HPD: variants seen among roughly 807,000 people sequenced by gnomAD.
HPD encodes the protein 4-hydroxyphenylpyruvate dioxygenase, also known as 4-hydroxyphenylpyruvic acid oxidase.
A neutral mutation model predicts 56.9 loss-of-function variants in HPD; 35 were observed. The observed-to-expected ratio is 0.62, with a 90% CI of 0.47 to 0.82. HPD has a LOEUF of 0.82. Ranked by LOEUF, HPD falls within the 40% of genes least tolerant of loss-of-function variation. The probability of loss-of-function intolerance (pLI) is 0.00; values close to 1 mark genes in which losing one functional copy is unlikely to be tolerated. For missense variants in HPD, 442 were observed against 506.8 expected (o/e 0.87, Z 1.23); for synonymous variants, 186 against 200.2 (o/e 0.93, Z 0.60).
intron 3 of HPD, 36 bp downstream of exon 3, chr12:121,857,721 C>T (rs765524626): frequency 1.5e-5 from 23 of 1,581,156 alleles, no homozygotes; most frequent in East Asian, 4.5e-5. Flanking sequence ...TCTGCCCTGC[C>T]GTCTGCTCAC....
the HPD span, among the ~76,000 whole-genome samples, chr12:121,873,711 G>A: frequency 3.3e-5 from 5 of 152,054 alleles, no homozygotes; most frequent in South Asian, 2.1e-4. Flanking sequence ...TCCCAGCTAC[G>A]CGGGAGGCTG....
At chr12:121,862,613 T>A (rs1878208389), upstream of HPD, among the ~76,000 whole-genome samples, 1 of 142,146 alleles carries the variant, frequency 7.0e-6, no homozygotes, top group Admixed American at 7.2e-5. Flanking sequence ...TTTTTTTTTT[T>A]TTTTTTTTTT....
rs199775194 is a variant in HPD, at chr12:121,843,677, C to A, written c.954+33G>T. ...GATGCAATGCAGAGCTCATACTCCC[C>A]CCACAAGGCTGCGGATCCTGCCTGG... On this transcript the variant is annotated intron_variant, in intron 12 of 13. Coordinates refer to ENST00000289004, the MANE Select transcript of HPD (RefSeq NM_002150.3). 2.5e-6 allele frequency: 4 copies of A among 1,613,400 alleles called. No individual in the cohort carries two copies. In the African/African-American group the frequency reaches 4.0e-5, roughly 16 times the overall value.
At chr12:121,865,900 T>C (rs556167882), upstream of HPD, among the ~76,000 whole-genome samples, 137 of 151,942 alleles carry the variant, frequency 9.0e-4, no homozygotes, top group African/African-American at 2.8e-3. Context: ...GAGGCACAAA[T>C]TGCTTGAACC....
chr12:121,865,170 A>G (rs1196517102), upstream of HPD, among the ~76,000 whole-genome samples: 1 of 151,976 alleles, frequency 6.6e-6, no homozygotes, highest in Non-Finnish European at 1.5e-5. Flanking sequence ...CGGGAGGGTG[A>G]GGCAGGAGAA....
upstream of HPD, among the ~76,000 whole-genome samples, chr12:121,861,411 A>G (rs1182574049): frequency 6.6e-6 from 1 of 151,986 alleles, no homozygotes; most frequent in Non-Finnish European, 1.5e-5. Context: ...AGGCTGAGGC[A>G]GGAGAATCAC....
intron 7 of HPD, among the ~76,000 whole-genome samples, chr12:121,850,444 G>A (rs1049471695): frequency 2.7e-5 from 4 of 147,564 alleles, no homozygotes; most frequent in Non-Finnish European, 6.0e-5. Context: ...AAATTATACT[G>A]AAGAGTTCTG....
At chr12:121,880,995 G>T in the HPD span, among the ~76,000 whole-genome samples, 1 of 152,056 alleles carries the variant, frequency 6.6e-6, no homozygotes, top group Non-Finnish European at 1.5e-5. Flanking sequence ...ATTTCGCCAT[G>T]TTGGCCAGGC....
chr12:121,839,551 G>A lies in HPD; in HGVS notation c.*177C>T. ...ATTGGACCGGGGCACGCTTTAATCGGGAGGGCTGGAGCAGAGGGCGGCCCC... is the reference window on the plus strand; with the variant it reads ...ATTGGACCGGGGCACGCTTTAATCGAGAGGGCTGGAGCAGAGGGCGGCCCC... On this transcript the variant is annotated 3_prime_UTR_variant, in exon 14 of 14. Coordinates refer to ENST00000289004, the MANE Select transcript of HPD (RefSeq NM_002150.3). The A allele has an allele frequency of 1.6e-6, 1 of 634,636 alleles. No individual in the cohort carries two copies. Among genetic ancestry groups the A allele is most frequent in the Non-Finnish European group, 2.8e-6 (1 of 355,074 alleles). 39.3% of individuals were successfully genotyped at this position (634,636 alleles called of 1,614,324 possible). A position where few individuals can be genotyped will look rare whatever the true frequency, so the allele number is the denominator to read the frequency against.
At chr12:121,873,565 T>C in the HPD span, among the ~76,000 whole-genome samples, 1 of 152,190 alleles carries the variant, frequency 6.6e-6, no homozygotes, top group Non-Finnish European at 1.5e-5. Flanking sequence ...ACGCCTGTAA[T>C]CCCAGCACTT....
At chr12:121,886,383 C>T in the HPD span, among the ~76,000 whole-genome samples, 157 of 149,726 alleles carry the variant, frequency 1.0e-3, no homozygotes, top group African/African-American at 3.7e-3. Context: ...GCTGGGATTA[C>T]AGGCGTGAGC....
At chr12:121,885,640 G>C in the HPD span, among the ~76,000 whole-genome samples, 1 of 151,932 alleles carries the variant, frequency 6.6e-6, no homozygotes, top group South Asian at 2.1e-4. Context: ...AGATATCAAG[G>C]GTGGGAGGAT....
chr12:121,848,076 G>A, intron 9 of HPD, among the ~76,000 whole-genome samples: 1 of 152,124 alleles, frequency 6.6e-6, no homozygotes, highest in East Asian at 1.9e-4. Flanking sequence ...TGAGAAAAAG[G>A]CCCTTGCTTG....
chr12:121,850,255 A>C (rs1877721029), intron 7 of HPD, among the ~76,000 whole-genome samples: 1 of 151,886 alleles, frequency 6.6e-6, no homozygotes, highest in Middle Eastern at 3.2e-3. Flanking sequence ...TCCTGTCTCT[A>C]CTAAAAAATA....
chr12:121,869,350 CAAAAAAAAAA>C, the HPD span, among the ~76,000 whole-genome samples: 3 of 115,516 alleles, frequency 2.6e-5, no homozygotes, highest in Admixed American at 1.9e-4. Flanking sequence ...AACTTCGTCT[CAAAAAAAAAA>C]AAAAAAAAAA....
At chr12:121,861,109 G>C (rs908693141), upstream of HPD, among the ~76,000 whole-genome samples, 1 of 152,144 alleles carries the variant, frequency 6.6e-6, no homozygotes, top group African/African-American at 2.4e-5. Flanking sequence ...GCTGAGGCGG[G>C]TGGGTCACCT....
chr12:121,876,311 AAAT>A, the HPD span, among the ~76,000 whole-genome samples: 2 of 152,028 alleles, frequency 1.3e-5, no homozygotes, highest in African/African-American at 2.4e-5. Flanking sequence ...TGTGTCTAAA[AAAT>A]AATAATAATA....
intron 12 of HPD, among the ~76,000 whole-genome samples, chr12:121,841,897 C>G (rs999026942): frequency 2.6e-5 from 4 of 152,200 alleles, no homozygotes; most frequent in Admixed American, 2.0e-4. Flanking sequence ...GTTGGCCAGG[C>G]TGGTCTTGAA....
At chr12:121,874,157 A>C in the HPD span, 1 of 152,108 alleles carries the variant, frequency 6.6e-6, no homozygotes, top group African/African-American at 2.4e-5. Context: ...TGCCCATTTT[A>C]TCTCTCAGCT....
Sources: allele counts gnomAD v4.1 joint callset (sites outside exome capture counted in the v4.1 genomes callset), GRCh38; gene constraint gnomAD v4.1.1; transcripts MANE v1.5; gene names NCBI Gene and HGNC (gene_info 2026-07-23, HGNC 2026-07-21).